The following NXF1 variants were observed in gnomAD, a reference collection of about 807,000 sequenced individuals.
NXF1 encodes the protein mRNA export factor TAP.
NXF1 carries 43 observed loss-of-function variants against 92.4 expected under a neutral mutation model. That is an observed-to-expected ratio of 0.47 (90% CI 0.36 to 0.60). NXF1 has a LOEUF of 0.60. Ranked by LOEUF, NXF1 falls within the 20% of genes least tolerant of loss-of-function variation. The pLI is 0.00. For missense variants in NXF1, 576 were observed against 793.0 expected, an observed-to-expected ratio of 0.73 and a Z score of 3.29; for synonymous variants, 288 against 292.2, an observed-to-expected ratio of 0.99 and a Z score of 0.15.
chr11:62,802,315 A>G, intron 3 of NXF1, 55 bp from the exon 4 acceptor site: 1 of 1,445,680 alleles, frequency 6.9e-7, no homozygotes, highest in Non-Finnish European at 9.7e-7. Context: ...TGAATAGCAG[A>G]CCCAATACAA....
Position 62,794,356 on chromosome 11 carries a change from C to T in NXF1, c.1662G>A (p.Thr554=), listed in dbSNP as rs755543078. 57 of 1,614,016 alleles carry T rather than the reference C, an allele frequency of 3.5e-5. No individual in the cohort carries two copies. The highest frequency in any genetic ancestry group is 1.1e-5 in the Non-Finnish European group (13 of 1,180,010). The change falls in exon 19 of 21, where the codon ACG becomes ACA. Residue 554 remains threonine, a synonymous_variant. Coordinates refer to ENST00000294172, the MANE Select transcript of NXF1 (RefSeq NM_006362.5). The part of the protein sequence containing the change: ...IQRAFAMPAP[T]PSSSPVPTLS... Reference sequence around the variant, plus strand: ...GGGTGGGCACCGGGCTGGAGGAAGGCGTGGGTGCAGGCATAGCGAAGGCTC... The same window carrying T: ...GGGTGGGCACCGGGCTGGAGGAAGGTGTGGGTGCAGGCATAGCGAAGGCTC...
Position 62,801,610 on chromosome 11 carries a change from C to G in NXF1, c.661G>C (p.Asp221His). Residue 221 changes from aspartate to histidine, a missense_variant, in exon 7 of 21, where the codon GAT (aspartate) becomes CAT (histidine). Asp to His is a moderately conservative substitution (Grantham distance 81, BLOSUM62 -1). This residue lies in a region of NXF1 where 425 missense variants were observed against 635.2 expected (regional missense o/e 0.67). Transcript: ENST00000294172. ...AGGTCAAGGGCTTGTTGGGAGCCAT[C>G]GTATCGTTTGCTCATGATCAGCTAG... is the stretch of plus-strand genomic sequence containing the variant. ...QLKLIMSKRY[D>H]GSQQALDLKG... 1 of 1,613,692 alleles carries G rather than the reference C, an allele frequency of 6.2e-7. No individual in the cohort carries two copies.
chr11:62,798,908 G>A lies in NXF1; in HGVS notation c.1017-333C>T, dbSNP rs1228293533. Reference sequence around the variant, plus strand: ...CTACTCACCTGTGCAGCCCCGGGAGGAGGGAATGGGGTGGGAGCCCAGGGG... The same window carrying A: ...CTACTCACCTGTGCAGCCCCGGGAGAAGGGAATGGGGTGGGAGCCCAGGGG... On this transcript the variant is annotated intron_variant, in intron 10 of 20. Transcript: ENST00000294172. 8.9e-6 allele frequency: 10 copies of A among 1,119,662 alleles called. No individual in the cohort carries two copies. The African/African-American group carries it at 1.5e-4, about 16-fold the overall frequency. 69.4% of individuals were successfully genotyped at this position (1,119,662 alleles called of 1,614,324 possible).
Position 62,801,374 on chromosome 11 carries a change from G to A in NXF1, c.753C>T (p.Ser251=). The part of the protein sequence containing the change: ...QNIDVVLNRR[S]CMAATLRIIE... ...TGATCCTCAGGGTAGCTGCCATACA[G>A]CTTCTGCGATTCAGGACAACGTCAA... The change falls in exon 8 of 21, where the codon AGC becomes AGT. Residue 251 remains serine, a synonymous_variant. Coordinates refer to ENST00000294172, the MANE Select transcript of NXF1 (RefSeq NM_006362.5). 2 of 1,614,116 alleles carry A rather than the reference G, an allele frequency of 1.2e-6. No individual in the cohort carries two copies.
intron 9 of NXF1, among the ~76,000 whole-genome samples, 195 bp from the exon 10 acceptor site, chr11:62,800,681 C>T (rs1297342722): frequency 6.6e-6 from 1 of 151,568 alleles, no homozygotes; most frequent in African/African-American, 2.4e-5. Context: ...TAGTTCACTG[C>T]AGCCTCAAAC....
chr11:62,802,567 A>G (rs753404547), intron 3 of NXF1, among the ~76,000 whole-genome samples: 2 of 152,134 alleles, frequency 1.3e-5, no homozygotes, highest in Non-Finnish European at 2.9e-5. Context: ...TTTCTGGAGT[A>G]GCTAGGACTA....
rs1324540315 is a variant in NXF1 at position 62,800,477 on chromosome 11, C to T, written c.916G>A (p.Glu306Lys). The T allele has an allele frequency of 5.0e-6, 8 of 1,613,158 alleles. No homozygotes were observed. The highest frequency in any genetic ancestry group is 6.8e-6 in the Non-Finnish European group (8 of 1,179,302). Residue 306 changes from glutamate to lysine, a missense_variant, in exon 10 of 21, where the codon GAG becomes AAG. By Grantham distance (56) the Glu-to-Lys change is moderately conservative. Coordinates refer to ENST00000294172, the MANE Select transcript of NXF1 (RefSeq NM_006362.5). ...LNLSGNELKS[E>K]RELDKIKGLK... ...CCCTTTATCTTGTCCAATTCCCGCT[C>T]AGACTTCAACTGCAAAGGGTGGAAG...
intron 19 of NXF1, 93 bp downstream of exon 19, chr11:62,794,165 C>T: frequency 2.9e-6 from 3 of 1,039,824 alleles, no homozygotes; most frequent in South Asian, 3.6e-5. Context: ...AACTTGTCTC[C>T]AAAAAAAAAA....
At chr11:62,805,088 A>G in intron 1 of NXF1, 1 of 373,242 alleles carries the variant, frequency 2.7e-6, no homozygotes, top group Non-Finnish European at 4.7e-6. Context: ...GTTCAAAGGA[A>G]TCCCGTCACC....
chr11:62,792,652 T>C lies in NXF1; in HGVS notation c.1810A>G (p.Thr604Ala). ...TTTCCAGACCTTACCTTGAGATGAGTGAAGGCCTGGGCAGATCTGGTGTAG... is the reference window on the plus strand; with the variant it reads ...TTTCCAGACCTTACCTTGAGATGAGCGAAGGCCTGGGCAGATCTGGTGTAG... ...WDYTRSAQAF[T>A]HLKAKGEIPE... Residue 604 changes from threonine to alanine, a missense_variant, in exon 20 of 21, where the codon ACT becomes GCT. Physicochemically the swap from Thr to Ala is moderately conservative, Grantham distance 58. Around this residue, in one of 2 missense-constraint regions of NXF1, gnomAD observed 425 missense variants for 635.2 expected, o/e 0.67. Transcript: ENST00000294172. 1.2e-6 allele frequency: 2 copies of C among 1,614,118 alleles called. No homozygotes were observed. The highest frequency in any genetic ancestry group is 4.5e-5 in the East Asian group (2 of 44,878).
At chr11:62,797,463 G>T in intron 11 of NXF1, 77 bp from the exon 12 acceptor site, 1 of 1,296,274 alleles carries the variant, frequency 7.7e-7, no homozygotes, top group Non-Finnish European at 1.1e-6. Flanking sequence ...ACTTTGGGAG[G>T]CCGAGGCAGG....
rs1401783722 is a variant in NXF1, at chr11:62,796,094, G to A, written c.1433C>T (p.Ser478Phe). 1 of 1,613,772 alleles carries A rather than the reference G, an allele frequency of 6.2e-7. No homozygotes were observed. The highest frequency in any genetic ancestry group is 8.5e-7 in the Non-Finnish European group (1 of 1,180,002). ...CTGGGCGCTTATGTCTACCACGAAG[G>A]AATTGACGTCGTGCTGGGTTTTGGG... is the stretch of plus-strand genomic sequence containing the variant. ...ELPKTQHDVN[S>F]FVVDISAQTS... The change falls in exon 16 of 21, where the codon TCC becomes TTC. Residue 478 changes from serine to phenylalanine, a missense_variant. Coordinates refer to ENST00000294172, the MANE Select transcript of NXF1 (RefSeq NM_006362.5).
At position 62,797,339 on chromosome 11, in the gene NXF1, G is replaced by A. The variant is rs146887127; in HGVS notation, c.1101C>T (p.Pro367=). The stretch of plus-strand genomic sequence containing the variant: ...CTACCTTGCAGGGCGGTAACGTCGT[G>A]GGGGCTTCAACATCAAAGGCAATTG... ...PPPIAFDVEA[P]TTLPPCKGSY... The change falls in exon 12 of 21, where the codon CCC becomes CCT. Residue 367 remains proline (P), a synonymous_variant. Coordinates refer to ENST00000294172, the MANE Select transcript of NXF1 (RefSeq NM_006362.5). 3 of 1,613,958 alleles carry A rather than the reference G, an allele frequency of 1.9e-6. No individual in the cohort carries two copies. In the African/African-American group the frequency reaches 4.0e-5, roughly 22 times the overall value.
In NXF1 at chr11:62,802,164, G is replaced by A. The variant is rs114333528; in HGVS notation, c.453+13C>T. 6.4e-4 allele frequency: 1,029 copies of A among 1,613,752 alleles called. 5 individuals are homozygous for A. In the African/African-American group the frequency reaches 0.013, roughly 20 times the overall value. On this transcript the variant is annotated intron_variant, in intron 4 of 20. Coordinates refer to ENST00000294172, the MANE Select transcript of NXF1 (RefSeq NM_006362.5). ...TGGTGCCTGGCCAGCCAGCCACTCA[G>A]GCCTTGTCTTACCTCAATAGGGGTG...
At chr11:62,803,754 G>C in intron 2 of NXF1, 38 bp downstream of exon 2, 1 of 1,597,666 alleles carries the variant, frequency 6.3e-7, no homozygotes, top group East Asian at 2.2e-5. Flanking sequence ...ATAATCTCAT[G>C]AGCCACTAAA....
chr11:62,799,808 AAGAG>A, intron 10 of NXF1: 1 of 986,168 alleles, frequency 1.0e-6, no homozygotes, highest in South Asian at 4.7e-5. Context: ...AGCACTGGGC[AAGAG>A]AGACAGATTG....
At chr11:62,794,051 C>G (rs1455024109) in intron 19 of NXF1, among the ~76,000 whole-genome samples, 1 of 151,700 alleles carries the variant, frequency 6.6e-6, no homozygotes, top group Admixed American at 6.6e-5. Context: ...CCTATAGGCC[C>G]AGCTACTCTG....
Position 62,800,391 on chromosome 11 carries a change from C to T in NXF1, c.1002G>A (p.Gln334=), listed in dbSNP as rs1478228165. The part of the protein sequence containing the change: ...GNSLCDTFRD[Q]STYISAIRER... Reference sequence around the variant, plus strand: ...CTACAACTGACCTGATGTAGGTGGACTGGTCTCGGAAGGTGTCACACAGGG... The same window carrying T: ...CTACAACTGACCTGATGTAGGTGGATTGGTCTCGGAAGGTGTCACACAGGG... Residue 334 remains glutamine (Q), a synonymous_variant, in exon 10 of 21, where the codon CAG becomes CAA. Transcript: ENST00000294172. 2 of 1,613,954 alleles carry T rather than the reference C, an allele frequency of 1.2e-6. No individual in the cohort carries two copies. Among genetic ancestry groups the T allele is most frequent in the African/African-American group, 2.7e-5 (2 of 74,900 alleles).
rs192863630 is a variant in NXF1 at position 62,805,432 on chromosome 11, G to C, written c.-76C>G. 6.3e-7 allele frequency: 1 copy of C among 1,597,084 alleles called. No homozygotes were observed. Among genetic ancestry groups the C allele is most frequent in the Non-Finnish European group, 8.5e-7 (1 of 1,170,850 alleles). On this transcript the variant is annotated 5_prime_UTR_variant, in exon 1 of 21. Coordinates refer to ENST00000294172, the MANE Select transcript of NXF1 (RefSeq NM_006362.5). ...AACAACCTAACTCCCAAGCGCTCAG[G>C]ACCGAAGTGTCCCTACGCCGGGCGC...
Sources: allele counts gnomAD v4.1 joint callset (sites outside exome capture counted in the v4.1 genomes callset), GRCh38; gene constraint gnomAD v4.1.1; regional missense constraint gnomAD v4.1.1; transcripts MANE v1.5; gene names NCBI Gene and HGNC (gene_info 2026-07-23, HGNC 2026-07-21).